Variants in AP1M1 observed in about 807,000 individuals in gnomAD.
AP1M1 encodes AP-1 complex subunit mu-1.
Under a neutral mutation model 57.1 loss-of-function variants are expected in AP1M1, and 18 were observed. That is an observed-to-expected ratio of 0.32 (90% CI 0.22 to 0.47). The LOEUF (loss-of-function observed/expected upper bound fraction) is 0.47, where lower values mean the gene tolerates loss of function less well. Ranked by LOEUF, AP1M1 falls within the 20% of genes least tolerant of loss-of-function variation. The pLI is 1.00. For missense variants in AP1M1, 362 were observed against 593.5 expected, an observed-to-expected ratio of 0.61 and a Z score of 4.05; for synonymous variants, 241 against 237.9, an observed-to-expected ratio of 1.01 and a Z score of -0.12.
Position 16,197,921 on chromosome 19 carries a change from G to A in AP1M1, c.-106G>A, listed in dbSNP as rs2091430311. ...GCGGCTCCCCGAACCGGAAGTGGAG[G>A]TGAGCTGTCGCGGGCGGCGCCCGGC... On this transcript the variant is annotated 5_prime_UTR_variant, in exon 1 of 12. It adds an upstream start codon to the 5' untranslated region. Coordinates refer to ENST00000291439, the MANE Select transcript of AP1M1 (RefSeq NM_032493.4). 13 of 932,362 alleles carry A rather than the reference G, an allele frequency of 1.4e-5. 1 individual carries two copies. Among genetic ancestry groups the A allele is most frequent in the South Asian group, 1.1e-4 (6 of 54,270 alleles). 57.8% of individuals were successfully genotyped at this position (932,362 alleles called of 1,614,324 possible).
intron 6 of AP1M1, 66 bp downstream of exon 6, chr19:16,226,613 AGGGC>A: frequency 6.7e-7 from 1 of 1,498,064 alleles, no homozygotes; most frequent in South Asian, 1.3e-5. Context: ...ATTACAGCCT[AGGGC>A]AGGGTTGGGC....
intron 5 of AP1M1, among the ~76,000 whole-genome samples, chr19:16,223,538 G>A (rs754587304): frequency 2.0e-4 from 30 of 152,278 alleles, no homozygotes; most frequent in African/African-American, 3.6e-4. Context: ...CCACCCCCTC[G>A]GAACAGTAGC....
Position 16,237,877 on chromosome 19 carries a change from T to C in AP1M1, c.*3442T>C, listed in dbSNP as rs2091631219. 6.6e-6 allele frequency: 1 copy of C among 152,004 alleles called. No individual in the cohort carries two copies. Among genetic ancestry groups the C allele is most frequent in the Admixed American group, 6.6e-5 (1 of 15,252 alleles). 9.4% of individuals were successfully genotyped at this position (152,004 alleles called of 1,614,324 possible). A position where few individuals can be genotyped will look rare whatever the true frequency, so the allele number is the denominator to read the frequency against. On this transcript the variant is annotated 3_prime_UTR_variant, in exon 12 of 12. Transcript: ENST00000291439. ...TTTTTTTTGAGACAGGGTCTTGCTA[T>C]GTTACCCAGGCTGGAGTGCAGTGGC...
At chr19:16,220,141 T>A (rs1199044611) in intron 5 of AP1M1, among the ~76,000 whole-genome samples, 1 of 152,246 alleles carries the variant, frequency 6.6e-6, no homozygotes, top group East Asian at 1.9e-4. Context: ...TTTGTTAGAA[T>A]TCACCACTGA....
Position 16,210,259 on chromosome 19 carries a change from G to A in AP1M1, c.546+1082G>A, listed in dbSNP as rs1352201975. The A allele has an allele frequency of 1.5e-5, 10 of 656,980 alleles. No homozygotes were observed. The African/African-American group carries it at 1.8e-4, about 12-fold the overall frequency. 40.7% of individuals were successfully genotyped at this position (656,980 alleles called of 1,614,324 possible). A position where few individuals can be genotyped will look rare whatever the true frequency, so the allele number is the denominator to read the frequency against. Reference sequence around the variant, plus strand: ...TATTTTCTGTTCTGAACCACAGAAGGACATTTGGGTGGTTTTCCAATCTTT... The same window carrying A: ...TATTTTCTGTTCTGAACCACAGAAGAACATTTGGGTGGTTTTCCAATCTTT... On this transcript the variant is annotated intron_variant, in intron 5 of 11. Coordinates refer to ENST00000291439, the MANE Select transcript of AP1M1 (RefSeq NM_032493.4).
chr19:16,199,462 C>T (rs992420773), intron 1 of AP1M1, among the ~76,000 whole-genome samples: 7 of 152,240 alleles, frequency 4.6e-5, no homozygotes, highest in Non-Finnish European at 5.9e-5. Flanking sequence ...GCAACAAGAA[C>T]CGGTCCAACA....
In AP1M1 at chr19:16,227,278, G is replaced by C. The variant is rs1207907950; in HGVS notation, c.674-270G>C. ...ATCAATCATTCAGTGAACGTGTCCT[G>C]AGCAGGTCCCCTGGCTGGGCCCTGG... On this transcript the variant is annotated intron_variant, in intron 6 of 11. Transcript: ENST00000291439. The surrounding 1 kb of genome is among the most constrained non-coding windows in gnomAD (Gnocchi z 6.2). 6.6e-6 allele frequency among the ~76,000 whole-genome samples: 1 copy of C among 150,718 alleles called. No individual in the cohort carries two copies. The highest frequency in any genetic ancestry group is 1.5e-5 in the Non-Finnish European group (1 of 67,426).
rs553980774 is a variant in AP1M1, at chr19:16,214,293, G to A, written c.546+5116G>A. Among the ~76,000 whole-genome samples, 176 of 151,438 alleles carry A rather than the reference G, an allele frequency of 1.2e-3. 5 individuals are homozygous for A. The South Asian group carries it at 0.035, about 30-fold the overall frequency. ...GGTCTCGATCTCCTGACCTGACCTCGTGATCCACCTGCCTTGGCCTCCCAA... is the reference window on the plus strand; with the variant it reads ...GGTCTCGATCTCCTGACCTGACCTCATGATCCACCTGCCTTGGCCTCCCAA... On this transcript the variant is annotated intron_variant, in intron 5 of 11. Coordinates refer to ENST00000291439, the MANE Select transcript of AP1M1 (RefSeq NM_032493.4).
chr19:16,214,052 CT>C (rs71178658), intron 5 of AP1M1, among the ~76,000 whole-genome samples: 67 of 139,476 alleles, frequency 4.8e-4, no homozygotes, highest in African/African-American at 9.5e-4. Flanking sequence ...TTTCCTTTTT[CT>C]TTTTTTTTTT....
At chr19:16,208,662 G>C (rs757230913) in intron 4 of AP1M1, among the ~76,000 whole-genome samples, 59 of 152,294 alleles carry the variant, frequency 3.9e-4, no homozygotes, top group Non-Finnish European at 7.2e-4. Context: ...CCTTCAGCAG[G>C]ATGGGGTCAC....
rs2091648755 is a variant in AP1M1, at chr19:16,242,408, C to G, written c.*7973C>G. On this transcript the variant is annotated 3_prime_UTR_variant, in exon 12 of 12. Transcript: ENST00000291439. ...AATAGTACTTAAAACTGCACTGGGACTTTTGGGACACCCCTAGCATCTCTG... is the reference window on the plus strand; with the variant it reads ...AATAGTACTTAAAACTGCACTGGGAGTTTTGGGACACCCCTAGCATCTCTG... 6.6e-6 allele frequency: 1 copy of G among 152,116 alleles called. No individual in the cohort carries two copies. Among genetic ancestry groups the G allele is most frequent in the South Asian group, 2.1e-4 (1 of 4,832 alleles). The allele number at this position is 152,116 out of a possible 1,614,324, so 9.4% of individuals were successfully genotyped here.
chr19:16,239,628 C>G lies in AP1M1; in HGVS notation c.*5193C>G, dbSNP rs1244284936. 1 of 151,798 alleles carries G rather than the reference C, an allele frequency of 6.6e-6. No individual in the cohort carries two copies. Among genetic ancestry groups the G allele is most frequent in the Non-Finnish European group, 1.5e-5 (1 of 67,970 alleles). The allele number at this position is 151,798 out of a possible 1,614,324, so 9.4% of individuals were successfully genotyped here. ...TAAAACCTGATTGCTACTAAAAATA[C>G]AAAAGAATTAGCTGGGCGTAGTGGC... On this transcript the variant is annotated 3_prime_UTR_variant, in exon 12 of 12. Coordinates refer to ENST00000291439, the MANE Select transcript of AP1M1 (RefSeq NM_032493.4).
rs930225630 is a variant in AP1M1 at position 16,244,723 on chromosome 19, C to T, written c.*10288C>T. 6.6e-6 allele frequency: 1 copy of T among 151,478 alleles called. No individual in the cohort carries two copies. The highest frequency in any genetic ancestry group is 2.4e-5 in the African/African-American group (1 of 41,280). The allele number at this position is 151,478 out of a possible 1,614,324, so 9.4% of individuals were successfully genotyped here. A position where few individuals can be genotyped will look rare whatever the true frequency, so the allele number is the denominator to read the frequency against. ...CGGGCGCCTGTAGTCCCAGCTACTC[C>T]GGAGGCTGAGGCAGGAGAATGGCGT... is the stretch of plus-strand genomic sequence containing the variant. On this transcript the variant is annotated 3_prime_UTR_variant, in exon 12 of 12. Transcript: ENST00000291439.
intron 1 of AP1M1, among the ~76,000 whole-genome samples, chr19:16,202,655 G>A (rs990137229): frequency 7.9e-5 from 12 of 152,162 alleles, no homozygotes; most frequent in Non-Finnish European, 1.3e-4. Context: ...CCTGTGTATC[G>A]GGAGTCCGAT....
Position 16,235,691 on chromosome 19 carries a change from T to G in AP1M1, c.*1256T>G, listed in dbSNP as rs1005049383. 23 of 152,240 alleles carry G rather than the reference T, an allele frequency of 1.5e-4. No individual in the cohort carries two copies. Among genetic ancestry groups the G allele is most frequent in the African/African-American group, 5.5e-4 (23 of 41,450 alleles). 9.4% of individuals were successfully genotyped at this position (152,240 alleles called of 1,614,324 possible). On this transcript the variant is annotated 3_prime_UTR_variant, in exon 12 of 12. Coordinates refer to ENST00000291439, the MANE Select transcript of AP1M1 (RefSeq NM_032493.4). ...ACAGCAGCATCCCCTGTGTCCTAGC[T>G]AGAAATGCAGGTTCGTGGGCCAGCC... is the stretch of plus-strand genomic sequence containing the variant.
At chr19:16,231,097 G>T (rs1485013470) in intron 9 of AP1M1, among the ~76,000 whole-genome samples, 1 of 151,862 alleles carries the variant, frequency 6.6e-6, no homozygotes, top group African/African-American at 2.4e-5. Context: ...GACCATCCTG[G>T]CTAACATGGT....
At chr19:16,204,438 TG>T (rs901668641) in intron 2 of AP1M1, among the ~76,000 whole-genome samples, 1 of 152,174 alleles carries the variant, frequency 6.6e-6, no homozygotes, top group African/African-American at 2.4e-5. Context: ...CCAGCAGCCA[TG>T]GGGGATCCCT....
At position 16,238,722 on chromosome 19, in the gene AP1M1, CTTT is replaced by C. The variant is rs34039189; in HGVS notation, c.*4302_*4304del. The C allele has an allele frequency of 3.6e-4, 41 of 115,280 alleles. No homozygotes were observed. The highest frequency in any genetic ancestry group is 6.6e-4 in the African/African-American group (21 of 31,972). The allele number at this position is 115,280 out of a possible 1,614,324, so 7.1% of individuals were successfully genotyped here. A position where few individuals can be genotyped will look rare whatever the true frequency, so the allele number is the denominator to read the frequency against. The stretch of plus-strand genomic sequence containing the variant: ...GCTTGTTCTGTATTCTTTCTTTATG[CTTT>C]TTTTTTTTTTTTTTGACAGGGTGTC... On this transcript the variant is annotated 3_prime_UTR_variant, in exon 12 of 12. Coordinates refer to ENST00000291439, the MANE Select transcript of AP1M1 (RefSeq NM_032493.4).
intron 9 of AP1M1, among the ~76,000 whole-genome samples, chr19:16,229,544 G>A (rs1337086559): frequency 6.6e-6 from 1 of 152,178 alleles, no homozygotes; most frequent in African/African-American, 2.4e-5. Flanking sequence ...CCACCAGGGG[G>A]GCTCAGGGCA....
Sources: gnomAD v4.1 joint callset for allele counts (sites outside exome capture counted in the v4.1 genomes callset) on GRCh38, gnomAD v4.1.1 for gene constraint, Gnocchi (gnomAD v3.1) non-coding constraint, MANE v1.5 for transcripts, NCBI Gene and HGNC (gene_info 2026-07-23, HGNC 2026-07-21) for gene names.